Variants in ANO10 observed in about 807,000 individuals in gnomAD.
The protein encoded by ANO10 is anoctamin 10, also known as anoctamin-10.
In ANO10, 77 loss-of-function variants were observed where a neutral mutation model predicts 74.7. The ratio of observed to expected loss-of-function variants is 1.03; its 90% confidence interval spans 0.86 to 1.25. The LOEUF (loss-of-function observed/expected upper bound fraction) is 1.25, where lower values mean the gene tolerates loss of function less well. ANO10 is among the 50% of genes most tolerant of loss of function. The pLI is 0.00. For missense variants in ANO10, 721 were observed against 778.1 expected (o/e 0.93, Z 0.87); for synonymous variants, 279 against 284.9 (o/e 0.98, Z 0.21).
At chr3:43,668,805 G>A (rs2084021778) in intron 1 of ANO10, among the ~76,000 whole-genome samples, 1 of 151,938 alleles carries the variant, frequency 6.6e-6, no homozygotes. Flanking sequence ...GATATACCTA[G>A]ATTAATATCT....
intron 7 of ANO10, among the ~76,000 whole-genome samples, chr3:43,572,066 C>G (rs142251370): frequency 6.6e-6 from 1 of 152,134 alleles, no homozygotes; most frequent in Non-Finnish European, 1.5e-5. Flanking sequence ...ACAGCACGTG[C>G]ACACCTTAAG....
Position 43,555,484 on chromosome 3 carries a change from A to T in ANO10, c.1477-15T>A. 6.2e-7 allele frequency: 1 copy of T among 1,611,786 alleles called. No homozygotes were observed. Among genetic ancestry groups the T allele is most frequent in the Non-Finnish European group, 8.5e-7 (1 of 1,178,044 alleles). ...TCAAAGGTGCCCTGAAAATATAAACAAGCATGCATTATTTTAATATCATAC... is the reference window on the plus strand; with the variant it reads ...TCAAAGGTGCCCTGAAAATATAAACTAGCATGCATTATTTTAATATCATAC... On this transcript the variant is annotated splice_polypyrimidine_tract_variant and intron_variant, in intron 9 of 12. Coordinates refer to ENST00000292246, the MANE Select transcript of ANO10 (RefSeq NM_018075.5).
chr3:43,398,129 G>T (rs2092415637), intron 12 of ANO10, among the ~76,000 whole-genome samples: 1 of 152,200 alleles, frequency 6.6e-6, no homozygotes. Flanking sequence ...GAGGACTCTG[G>T]ACTCCACAGT....
chr3:43,450,761 T>G (rs1366232932), intron 11 of ANO10, among the ~76,000 whole-genome samples: 2 of 152,164 alleles, frequency 1.3e-5, no homozygotes, highest in African/African-American at 4.8e-5. Context: ...TGGAAAATAT[T>G]GATGAGAACA....
At chr3:43,433,428 A>G (rs1367944660) in intron 11 of ANO10, among the ~76,000 whole-genome samples, 3 of 152,176 alleles carry the variant, frequency 2.0e-5, no homozygotes, top group Non-Finnish European at 4.4e-5. Flanking sequence ...GCTGCACTTC[A>G]GTTTGAGTTA....
chr3:43,434,743 C>CAGGTAACAGAACAAGT (rs1187156992), intron 11 of ANO10, among the ~76,000 whole-genome samples: 1 of 152,190 alleles, frequency 6.6e-6, no homozygotes, highest in African/African-American at 2.4e-5. Context: ...GACTGGCTAA[C>CAGGTAACAGAACAAGT]AGGTAACAGA....
chr3:43,627,515 C>A (rs2083503604), intron 1 of ANO10, among the ~76,000 whole-genome samples: 6 of 152,218 alleles, frequency 3.9e-5, no homozygotes, highest in Admixed American at 2.6e-4. Flanking sequence ...TCTTAACACC[C>A]AGGAAGCTGA....
In ANO10 at chr3:43,416,954, T is replaced by A. The variant is rs148915210; in HGVS notation, c.1914+15657A>T. Among the ~76,000 whole-genome samples, 91 of 152,328 alleles carry A rather than the reference T, an allele frequency of 6.0e-4. 1 individual carries two copies. Among genetic ancestry groups the A allele is most frequent in the African/African-American group, 1.8e-3 (73 of 41,586 alleles). ...TTTATGCCAACAAAAACCCTTCTGG[T>A]GTCATTTCCAATTTCAATAGGATTT... On this transcript the variant is annotated intron_variant, in intron 12 of 12. Transcript: ENST00000292246.
intron 11 of ANO10, among the ~76,000 whole-genome samples, chr3:43,487,394 T>A (rs1427802389): frequency 6.6e-6 from 1 of 152,180 alleles, no homozygotes; most frequent in Non-Finnish European, 1.5e-5. Flanking sequence ...AGTTCCTCCT[T>A]GTACTTCTGG....
chr3:43,401,663 A>G (rs558355607), intron 12 of ANO10, among the ~76,000 whole-genome samples: 1 of 152,344 alleles, frequency 6.6e-6, no homozygotes, highest in African/African-American at 2.4e-5. Context: ...ACAATTCTAC[A>G]TGATTGCTTC....
At position 43,576,885 on chromosome 3, in the gene ANO10, G is replaced by A. The variant is rs2081026749; in HGVS notation, c.969C>T (p.Cys323=). Residue 323 remains cysteine, a synonymous_variant, in exon 6 of 13, where the codon TGC becomes TGT. Coordinates refer to ENST00000292246, the MANE Select transcript of ANO10 (RefSeq NM_018075.5). ...CATACAGTGAGAAATAGAGGCAGAG[G>A]CACACGAATGGCAGGGAGACCAGGT... ...RIYLVSLPFV[C]LCLYFSLYVM... 1 of 1,614,042 alleles carries A rather than the reference G, an allele frequency of 6.2e-7. No homozygotes were observed. The highest frequency in any genetic ancestry group is 8.5e-7 in the Non-Finnish European group (1 of 1,180,052).
chr3:43,532,012 C>T (rs73832614), intron 11 of ANO10, among the ~76,000 whole-genome samples: 3,444 of 152,286 alleles, frequency 0.023, 128 homozygotes, highest in African/African-American at 0.078. Flanking sequence ...ACCCCGTCCA[C>T]ATTGCCAAGC....
chr3:43,527,763 T>C (rs1317598352), intron 11 of ANO10, among the ~76,000 whole-genome samples: 1 of 152,156 alleles, frequency 6.6e-6, no homozygotes, highest in African/African-American at 2.4e-5. Flanking sequence ...CTAGCGATAT[T>C]GGAACACAGA....
At chr3:43,548,137 C>T (rs1230695021) in intron 11 of ANO10, among the ~76,000 whole-genome samples, 1 of 152,204 alleles carries the variant, frequency 6.6e-6, no homozygotes, top group Non-Finnish European at 1.5e-5. Context: ...GTAAATTAAC[C>T]ACCTGGCTTT....
intron 11 of ANO10, among the ~76,000 whole-genome samples, chr3:43,456,952 G>A (rs2075157048): frequency 6.6e-6 from 1 of 152,132 alleles, no homozygotes; most frequent in African/African-American, 2.4e-5. Flanking sequence ...TCTATAATGT[G>A]CCATGACAAT....
At chr3:43,604,782 A>C (rs2149492702) in intron 2 of ANO10, among the ~76,000 whole-genome samples, 2 of 152,232 alleles carry the variant, frequency 1.3e-5, no homozygotes, top group South Asian at 4.1e-4. Context: ...ACACTGAAAC[A>C]CTACATAGTT....
intron 12 of ANO10, among the ~76,000 whole-genome samples, chr3:43,396,699 C>T (rs889243947): frequency 6.6e-6 from 1 of 151,724 alleles, no homozygotes; most frequent in African/African-American, 2.4e-5. Flanking sequence ...CTTGCTCTGT[C>T]GTCCAAGCTG....
chr3:43,581,038 C>T, intron 4 of ANO10, among the ~76,000 whole-genome samples: 1 of 151,992 alleles, frequency 6.6e-6, no homozygotes, highest in East Asian at 1.9e-4. Flanking sequence ...AAAATTTGTA[C>T]AAATACCTTT....
chr3:43,400,880 G>C (rs1346446586), intron 12 of ANO10, among the ~76,000 whole-genome samples: 1 of 152,202 alleles, frequency 6.6e-6, no homozygotes. Context: ...GAGGGATTGA[G>C]GGATGCTATA....
Sources: allele counts gnomAD v4.1 joint callset (sites outside exome capture counted in the v4.1 genomes callset), GRCh38; gene constraint gnomAD v4.1.1; transcripts MANE v1.5; gene names NCBI Gene and HGNC (gene_info 2026-07-23, HGNC 2026-07-21).